The following BCAS3 variants were observed in gnomAD, a reference collection of about 807,000 sequenced individuals.
BCAS3 encodes the protein BCAS3 microtubule associated cell migration factor.
Under a neutral mutation model 116.1 loss-of-function variants are expected in BCAS3, and 53 were observed. The ratio of observed to expected loss-of-function variants is 0.46; its 90% confidence interval spans 0.37 to 0.57. The LOEUF is 0.57. BCAS3 is among the 20% of genes least tolerant of loss of function. The pLI is 0.00. For synonymous variants in BCAS3, 391 were observed against 408.2 expected (o/e 0.96, Z 0.51); for missense variants, 917 against 1,165.4 (o/e 0.79, Z 3.10).
chr17:60,809,161 A>G (rs1056944166), intron 7 of BCAS3, among the ~76,000 whole-genome samples: 1 of 151,720 alleles, frequency 6.6e-6, no homozygotes, highest in Non-Finnish European at 1.5e-5. Context: ...GCATGTGCCT[A>G]TAACCCCAAC....
chr17:60,827,312 T>C lies in BCAS3; in HGVS notation c.476+19236T>C, dbSNP rs1458190186. On this transcript the variant is annotated intron_variant, in intron 7 of 23. Transcript: ENST00000407086. Reference sequence around the variant, plus strand: ...GGAAGGTATTAAGGATAGTTAGATATCACTCTTCACCAGGAATTTCTTTTC... The same window carrying C: ...GGAAGGTATTAAGGATAGTTAGATACCACTCTTCACCAGGAATTTCTTTTC... Among the ~76,000 whole-genome samples, 5 of 152,346 alleles carry C rather than the reference T, an allele frequency of 3.3e-5. No individual in the cohort carries two copies. The East Asian group carries it at 9.6e-4, about 29-fold the overall frequency.
intron 14 of BCAS3, among the ~76,000 whole-genome samples, chr17:60,955,989 C>G (rs1266692385): frequency 6.6e-6 from 1 of 152,158 alleles, no homozygotes; most frequent in Non-Finnish European, 1.5e-5. Context: ...GCTGGTCTTC[C>G]TCACTGTGCA....
intron 6 of BCAS3, chr17:60,748,976 A>G (rs1488761610): frequency 6.6e-6 from 1 of 152,218 alleles, no homozygotes; most frequent in South Asian, 2.1e-4. Context: ...GAAGGGGGGA[A>G]AAAGTAGAAC....
chr17:60,751,703 C>T (rs1013149968), intron 6 of BCAS3, among the ~76,000 whole-genome samples: 8 of 151,964 alleles, frequency 5.3e-5, no homozygotes, highest in Non-Finnish European at 8.8e-5. Flanking sequence ...CCACCACACC[C>T]GACTAGTTTT....
intron 22 of BCAS3, among the ~76,000 whole-genome samples, chr17:61,240,195 A>C (rs1236428712): frequency 6.6e-6 from 1 of 152,222 alleles, no homozygotes; most frequent in African/African-American, 2.4e-5. Flanking sequence ...CTCTACAGAC[A>C]TAATTTCTTC....
chr17:61,021,353 C>T lies in BCAS3; in HGVS notation c.1637+5452C>T, dbSNP rs75265622. On this transcript the variant is annotated intron_variant, in intron 16 of 23. Coordinates refer to ENST00000407086, the MANE Select transcript of BCAS3 (RefSeq NM_017679.5). This position sits in a 1 kb window ranked among gnomAD's most constrained non-coding sequence, Gnocchi z 4.6. ...GGGATTATAGGCATGAGCAACCGCA[C>T]CCGGCCATGTTTATTCATTTCTTTG... 1.3e-5 allele frequency among the ~76,000 whole-genome samples: 2 copies of T among 152,074 alleles called. No homozygotes were observed. The highest frequency in any genetic ancestry group is 4.1e-4 in the South Asian group (2 of 4,824).
chr17:61,364,556 A>G lies in BCAS3; in HGVS notation c.2426-3771A>G, dbSNP rs1408443540. The stretch of plus-strand genomic sequence containing the variant: ...CATGGTGAAACCCCATCTTGACAAA[A>G]AATTAGCTGGGCATGGTGGTGCACA... On this transcript the variant is annotated intron_variant, in intron 22 of 23. Transcript: ENST00000407086. This position sits in a 1 kb window ranked among gnomAD's most constrained non-coding sequence, Gnocchi z 5.4. Among the ~76,000 whole-genome samples the G allele has an allele frequency of 6.6e-6, 1 of 152,172 alleles. No individual in the cohort carries two copies. Among genetic ancestry groups the G allele is most frequent in the Non-Finnish European group, 1.5e-5 (1 of 68,036 alleles).
intron 13 of BCAS3, among the ~76,000 whole-genome samples, chr17:60,927,994 T>C (rs1442783074): frequency 6.6e-6 from 1 of 152,196 alleles, no homozygotes; most frequent in African/African-American, 2.4e-5. Flanking sequence ...ACTACAGAAA[T>C]GTTTTAGAAC....
chr17:60,734,774 T>G (rs1476352970), intron 5 of BCAS3, among the ~76,000 whole-genome samples: 1 of 152,360 alleles, frequency 6.6e-6, no homozygotes, highest in Admixed American at 6.5e-5. Context: ...GTTCTGACTT[T>G]GCTTTCTCCT....
chr17:61,023,281 T>C lies in BCAS3; in HGVS notation c.1637+7380T>C, dbSNP rs2145562708. ...TGCTTCAATATTTGACACATAATGTTGTATAGCTTTTTCTCTGCTTCATCT... is the reference window on the plus strand; with the variant it reads ...TGCTTCAATATTTGACACATAATGTCGTATAGCTTTTTCTCTGCTTCATCT... On this transcript the variant is annotated intron_variant, in intron 16 of 23. Coordinates refer to ENST00000407086, the MANE Select transcript of BCAS3 (RefSeq NM_017679.5). This position sits in a 1 kb window ranked among gnomAD's most constrained non-coding sequence, Gnocchi z 4.8. Among the ~76,000 whole-genome samples the C allele has an allele frequency of 6.6e-6, 1 of 152,332 alleles. No homozygotes were observed. Among genetic ancestry groups the C allele is most frequent in the East Asian group, 1.9e-4 (1 of 5,180 alleles).
chr17:60,696,864 A>G (rs1364818771), intron 4 of BCAS3, among the ~76,000 whole-genome samples: 6 of 152,022 alleles, frequency 3.9e-5, no homozygotes, highest in Non-Finnish European at 8.8e-5. Context: ...TTCTGCCCCT[A>G]TCATTATTTA....
intron 15 of BCAS3, among the ~76,000 whole-genome samples, chr17:61,009,268 TCTCTAATA>T (rs1287824233): frequency 6.6e-6 from 1 of 152,034 alleles, no homozygotes; most frequent in Non-Finnish European, 1.5e-5. Context: ...TCTATACTTA[TCTCTAATA>T]CTCTAATACT....
At chr17:61,266,979 G>A (rs1483074294) in intron 22 of BCAS3, among the ~76,000 whole-genome samples, 1 of 152,166 alleles carries the variant, frequency 6.6e-6, no homozygotes, top group African/African-American at 2.4e-5. Flanking sequence ...TTTCTTTATA[G>A]CACCAGAATT....
chr17:60,934,194 A>G (rs1005960983), intron 13 of BCAS3, among the ~76,000 whole-genome samples: 3 of 152,222 alleles, frequency 2.0e-5, no homozygotes, highest in Non-Finnish European at 2.9e-5. Context: ...GAGAGTGCCC[A>G]TGAAGACAAA....
chr17:61,003,662 C>T (rs2064439448), intron 15 of BCAS3: 1 of 152,064 alleles, frequency 6.6e-6, no homozygotes, highest in Non-Finnish European at 1.5e-5. Context: ...AATACTGAGG[C>T]CTAGACTCCA....
intron 22 of BCAS3, among the ~76,000 whole-genome samples, chr17:61,174,628 A>C (rs952758359): frequency 1.3e-5 from 2 of 152,236 alleles, no homozygotes; most frequent in Admixed American, 6.5e-5. Context: ...GAGAGCACAG[A>C]TATCTCTTCA....
chr17:61,055,651 A>G (rs1360495481), intron 19 of BCAS3, among the ~76,000 whole-genome samples: 1 of 152,232 alleles, frequency 6.6e-6, no homozygotes, highest in Non-Finnish European at 1.5e-5. Context: ...GAGAACTGGT[A>G]TACATTGCAG....
At chr17:60,906,535 T>C (rs1236212375) in intron 11 of BCAS3, among the ~76,000 whole-genome samples, 2 of 152,150 alleles carry the variant, frequency 1.3e-5, no homozygotes, top group African/African-American at 2.4e-5. Context: ...AAAACACCAC[T>C]TAGTTTCTTA....
At chr17:60,895,251 C>T (rs1599509043) in intron 10 of BCAS3, among the ~76,000 whole-genome samples, 1 of 152,234 alleles carries the variant, frequency 6.6e-6, no homozygotes, top group East Asian at 1.9e-4. Context: ...TTGGTCTGCT[C>T]AGATTTCTGT....
Sources: allele counts gnomAD v4.1 joint callset (sites outside exome capture counted in the v4.1 genomes callset), GRCh38; gene constraint gnomAD v4.1.1; non-coding constraint Gnocchi (gnomAD v3.1); transcripts MANE v1.5; gene names NCBI Gene and HGNC (gene_info 2026-07-23, HGNC 2026-07-21).